The following EML2 variants were observed in gnomAD, a reference collection of about 807,000 sequenced individuals.
EML2 encodes the protein echinoderm microtubule-associated protein-like 2.
EML2 carries 59 observed loss-of-function variants against 84.7 expected under a neutral mutation model. The observed-to-expected ratio is 0.70, with a 90% CI of 0.56 to 0.86. The LOEUF is 0.86. Among genes scored for constraint, EML2 ranks in the 40% least tolerant of loss-of-function variants. The probability of loss-of-function intolerance (pLI) is 0.00; values close to 1 mark genes in which losing one functional copy is unlikely to be tolerated. For synonymous variants in EML2, 352 were observed against 348.9 expected (o/e 1.01, Z -0.10); for missense variants, 818 against 855.6 (o/e 0.96, Z 0.55).
intron 7 of EML2, among the ~76,000 whole-genome samples, chr19:45,628,991 G>A (rs192359946): frequency 4.6e-5 from 7 of 152,118 alleles, no homozygotes; most frequent in African/African-American, 1.4e-4. Flanking sequence ...GAGGGAAATC[G>A]AGACACCAGA....
intron 12 of EML2, 52 bp from the exon 13 acceptor site, chr19:45,617,749 T>G: frequency 1.3e-6 from 2 of 1,535,070 alleles, no homozygotes; most frequent in African/African-American, 1.4e-5. Flanking sequence ...CCCATGTCCA[T>G]CTGGACATTC....
intron 1 of EML2, 134 bp from the exon 2 acceptor site, chr19:45,639,007 C>T (rs748771834): frequency 1.9e-6 from 2 of 1,050,288 alleles, no homozygotes; most frequent in South Asian, 2.5e-5. Context: ...CAGAGCGCTG[C>T]CTCTCTGCAG....
upstream of EML2, among the ~76,000 whole-genome samples, chr19:45,644,181 T>A (rs536075782): frequency 6.6e-6 from 1 of 152,242 alleles, no homozygotes; most frequent in South Asian, 2.1e-4. Flanking sequence ...CAGAATAGGA[T>A]TAACTATTTT....
chr19:45,622,486 A>T (rs535576777), intron 9 of EML2, among the ~76,000 whole-genome samples: 9 of 152,256 alleles, frequency 5.9e-5, no homozygotes, highest in African/African-American at 2.2e-4. Context: ...GCTGGAGTGC[A>T]GTGGTATGAT....
chr19:45,634,812 C>T (rs982199116), intron 3 of EML2, among the ~76,000 whole-genome samples: 8 of 151,718 alleles, frequency 5.3e-5, no homozygotes, highest in South Asian at 2.1e-4. Flanking sequence ...CCACCCGCCT[C>T]GCCCTCCCAA....
chr19:45,625,310 G>A (rs1972178583), intron 8 of EML2, among the ~76,000 whole-genome samples: 2 of 152,046 alleles, frequency 1.3e-5, no homozygotes, highest in Non-Finnish European at 2.9e-5. Flanking sequence ...GCGTGATCTC[G>A]GCTCACTGCA....
upstream of EML2, chr19:45,643,723 G>T (rs890608452): frequency 6.5e-7 from 1 of 1,531,018 alleles, no homozygotes. Context: ...TCTGGGCTCC[G>T]CAGTGCAGCC....
At chr19:45,624,127 G>C (rs1344202692) in intron 9 of EML2, among the ~76,000 whole-genome samples, 2 of 152,198 alleles carry the variant, frequency 1.3e-5, no homozygotes, top group African/African-American at 4.8e-5. Flanking sequence ...ACATTAATCT[G>C]TTGGCTGAAA....
chr19:45,629,318 T>C (rs1433442703), intron 7 of EML2, among the ~76,000 whole-genome samples: 1 of 151,328 alleles, frequency 6.6e-6, no homozygotes, highest in East Asian at 1.9e-4. Flanking sequence ...TGCCAGATTT[T>C]CTGTTTGTTT....
chr19:45,645,397 A>T (rs1308687513), upstream of EML2: 20 of 1,495,356 alleles, frequency 1.3e-5, no homozygotes, highest in Non-Finnish European at 1.7e-5. Context: ...GGTCCCCCCA[A>T]CCAGGCCCTG....
intron 1 of EML2, 28 bp from the exon 2 acceptor site, chr19:45,638,901 AG>A (rs1002809443): frequency 3.7e-6 from 6 of 1,613,230 alleles, no homozygotes; most frequent in African/African-American, 1.3e-5. Context: ...AGAAAAAAAA[AG>A]GGTCTTAGTA....
intron 7 of EML2, among the ~76,000 whole-genome samples, chr19:45,627,858 T>C (rs1972555770): frequency 6.6e-6 from 1 of 151,306 alleles, no homozygotes; most frequent in Admixed American, 6.6e-5. Flanking sequence ...GGTCGGGAGT[T>C]CGAGGCCAGC....
chr19:45,641,316 C>T, upstream of EML2: 1 of 276,936 alleles, frequency 3.6e-6, no homozygotes, highest in South Asian at 4.6e-5. Context: ...TTGACTTCAT[C>T]CCTGAAACTC....
At position 45,621,640 on chromosome 19, in the gene EML2, G is replaced by T. The variant is rs1971726992; in HGVS notation, c.842-3C>A. On this transcript the variant is annotated splice_polypyrimidine_tract_variant and splice_region_variant and intron_variant, in intron 9 of 18. Coordinates refer to ENST00000245925, the MANE Select transcript of EML2 (RefSeq NM_012155.4). ...CGCCTGTGTGATACGGTTCCCACCT[G>T]CAGGGTGGCCAGGGGCAGGGTCAAC... 3 of 1,606,234 alleles carry T rather than the reference G, an allele frequency of 1.9e-6. No individual in the cohort carries two copies. The highest frequency in any genetic ancestry group is 3.3e-5 in the Admixed American group (2 of 59,870).
At chr19:45,630,131 A>C in intron 6 of EML2, 85 bp from the exon 7 acceptor site, 1 of 973,444 alleles carries the variant, frequency 1.0e-6, no homozygotes, top group Non-Finnish European at 1.6e-6. Context: ...CATTCACCAC[A>C]CAGGCCTGTT....
intron 11 of EML2, chr19:45,619,399 C>T (rs1971447402): frequency 2.1e-6 from 1 of 469,478 alleles, no homozygotes; most frequent in South Asian, 3.7e-5. Flanking sequence ...AAATCCTGCC[C>T]CTTCTCCAGG....
intron 13 of EML2, 138 bp from the exon 14 acceptor site, chr19:45,616,991 A>C: frequency 1.5e-6 from 1 of 656,842 alleles, no homozygotes; most frequent in Non-Finnish European, 2.7e-6. Context: ...CAGGCCTATA[A>C]TCCCAGCACG....
intron 18 of EML2, among the ~76,000 whole-genome samples, chr19:45,611,863 G>C (rs184171812): frequency 1.2e-4 from 18 of 151,924 alleles, no homozygotes; most frequent in African/African-American, 4.3e-4. Flanking sequence ...TTTCGTGTGT[G>C]TGGGTTTTTT....
At chr19:45,643,658 C>A, upstream of EML2, 1 of 1,536,074 alleles carries the variant, frequency 6.5e-7, no homozygotes, top group Non-Finnish European at 8.7e-7. Flanking sequence ...TAGACGGGGA[C>A]AGGGCGTGGA....
Sources: allele counts gnomAD v4.1 joint callset (sites outside exome capture counted in the v4.1 genomes callset), GRCh38; gene constraint gnomAD v4.1.1; transcripts MANE v1.5; gene names NCBI Gene and HGNC (gene_info 2026-07-23, HGNC 2026-07-21).